QKI: variants seen among roughly 807,000 people sequenced by gnomAD.
QKI encodes QKI, KH domain containing RNA binding, also known as KH domain-containing RNA-binding protein QKI.
QKI carries 10 observed loss-of-function variants against 39.0 expected under a neutral mutation model. That is an observed-to-expected ratio of 0.26 (90% CI 0.16 to 0.43). The LOEUF (loss-of-function observed/expected upper bound fraction) is 0.43, where lower values mean the gene tolerates loss of function less well. Ranked by LOEUF, QKI falls within the 20% of genes least tolerant of loss-of-function variation. The pLI is 1.00. For missense variants in QKI, 218 were observed against 428.0 expected, an observed-to-expected ratio of 0.51 and a Z score of 4.33; for synonymous variants, 204 against 155.4, an observed-to-expected ratio of 1.31 and a Z score of -2.33.
At chr6:163,528,329 T>C (rs1780636432) in intron 3 of QKI, among the ~76,000 whole-genome samples, 1 of 152,092 alleles carries the variant, frequency 6.6e-6, no homozygotes, top group South Asian at 2.1e-4. Flanking sequence ...CTGTGTTCCG[T>C]TTCTGGTTTT....
intron 1 of QKI, chr6:163,428,860 A>G (rs1788613537): frequency 6.6e-6 from 1 of 152,192 alleles, no homozygotes; most frequent in African/African-American, 2.4e-5. Flanking sequence ...TAGAGAACCA[A>G]GGAGGAAGAG....
At chr6:163,498,174 T>TA (rs1261330509) in intron 3 of QKI, among the ~76,000 whole-genome samples, 1 of 123,578 alleles carries the variant, frequency 8.1e-6, no homozygotes, top group Non-Finnish European at 1.6e-5. Context: ...AGTTTGCTCC[T>TA]ACCGCAGCTG....
chr6:163,500,433 G>A (rs546923267), intron 3 of QKI, among the ~76,000 whole-genome samples: 53 of 152,252 alleles, frequency 3.5e-4, no homozygotes, highest in African/African-American at 1.2e-3. Flanking sequence ...TTCAACATTT[G>A]CTAATCTTGG....
intron 3 of QKI, among the ~76,000 whole-genome samples, chr6:163,491,390 C>T (rs756632159): frequency 2.6e-5 from 4 of 152,132 alleles, no homozygotes; most frequent in African/African-American, 4.8e-5. Flanking sequence ...CCAACTGTGA[C>T]GTGGTATGTT....
chr6:163,439,747 G>C (rs1266238138), intron 1 of QKI, among the ~76,000 whole-genome samples: 1 of 150,516 alleles, frequency 6.6e-6, no homozygotes, highest in Non-Finnish European at 1.5e-5. Context: ...TCTCCAGGGT[G>C]TGAGCAATTC....
intron 1 of QKI, among the ~76,000 whole-genome samples, chr6:163,425,580 T>C (rs1255493781): frequency 6.6e-6 from 1 of 152,322 alleles, no homozygotes; most frequent in East Asian, 1.9e-4. Flanking sequence ...TTTAGGAAAA[T>C]TTTTTGAGTA....
chr6:163,524,366 A>C (rs1267173138), intron 3 of QKI, among the ~76,000 whole-genome samples: 3 of 152,306 alleles, frequency 2.0e-5, no homozygotes, highest in Middle Eastern at 3.4e-3. Context: ...TTTTATTCTG[A>C]AAATACATTT....
chr6:163,536,855 C>G (rs767908157), intron 4 of QKI, among the ~76,000 whole-genome samples: 4 of 152,178 alleles, frequency 2.6e-5, no homozygotes, highest in Non-Finnish European at 4.4e-5. Context: ...TGAGAACTCA[C>G]TTCCTGGTTT....
chr6:163,449,658 A>AT (rs1197005700), intron 1 of QKI, among the ~76,000 whole-genome samples: 2 of 152,094 alleles, frequency 1.3e-5, no homozygotes, highest in Non-Finnish European at 2.9e-5. Context: ...GTTGCTTATG[A>AT]TTGAGTTAGT....
chr6:163,567,600 G>A lies in QKI; in HGVS notation c.1009+805G>A, dbSNP rs979382135. 9 of 983,402 alleles carry A rather than the reference G, an allele frequency of 9.2e-6. No individual in the cohort carries two copies. The African/African-American group carries it at 1.0e-4, about 11-fold the overall frequency. The allele number at this position is 983,402 out of a possible 1,614,324, so 60.9% of individuals were successfully genotyped here. On this transcript the variant is annotated intron_variant, in intron 7 of 7. Transcript: ENST00000361752. Reference sequence around the variant, plus strand: ...TTACAACTTTTATAATTTGTGTCCTGTATATGCCCTTGGACCCTTTTATAA... The same window carrying A: ...TTACAACTTTTATAATTTGTGTCCTATATATGCCCTTGGACCCTTTTATAA...
intron 2 of QKI, among the ~76,000 whole-genome samples, chr6:163,458,021 G>A (rs973913461): frequency 6.6e-6 from 1 of 152,120 alleles, no homozygotes; most frequent in African/African-American, 2.4e-5. Flanking sequence ...AACATTCTAG[G>A]CAGAGTGAAC....
chr6:163,457,351 T>C (rs1465310027), intron 2 of QKI: 5 of 456,042 alleles, frequency 1.1e-5, no homozygotes, highest in Non-Finnish European at 2.2e-5. Context: ...AGGGCACCTG[T>C]TCACTATATT....
At chr6:163,436,413 G>T (rs73015322) in intron 1 of QKI, among the ~76,000 whole-genome samples, 10,230 of 152,168 alleles carry the variant, frequency 0.067, 586 homozygotes, top group Admixed American at 0.18. Context: ...TAAGTTTAAA[G>T]CAAGTATGAG....
chr6:163,451,020 C>T (rs1330976378), intron 1 of QKI, among the ~76,000 whole-genome samples: 2 of 152,094 alleles, frequency 1.3e-5, no homozygotes, highest in Non-Finnish European at 2.9e-5. Context: ...GGATTCTTGA[C>T]TCGGAGACTA....
chr6:163,449,671 A>G (rs1488306804), intron 1 of QKI, among the ~76,000 whole-genome samples: 1 of 152,108 alleles, frequency 6.6e-6, no homozygotes, highest in African/African-American at 2.4e-5. Flanking sequence ...GAGTTAGTAA[A>G]TAGTTTTTGT....
Position 163,566,013 on chromosome 6 carries a change from A to G in QKI, c.935-708A>G, listed in dbSNP as rs748770617. 5.0e-6 allele frequency: 8 copies of G among 1,605,748 alleles called. No individual in the cohort carries two copies. The South Asian group carries it at 8.9e-5, about 18-fold the overall frequency. On this transcript the variant is annotated intron_variant, in intron 6 of 7. Coordinates refer to ENST00000361752, the MANE Select transcript of QKI (RefSeq NM_006775.3). The stretch of plus-strand genomic sequence containing the variant: ...TTAACTGAACCCTCATCAGATCTGA[A>G]TTTAACAAATGCTTAGTCTCAGCAG...
At chr6:163,415,433 GC>G (rs1787365579) in intron 1 of QKI, 98 bp downstream of exon 1, 1 of 1,213,764 alleles carries the variant, frequency 8.2e-7, no homozygotes, top group Non-Finnish European at 1.1e-6. Flanking sequence ...TCACGGCCGG[GC>G]GGGACCGAGC....
intron 3 of QKI, among the ~76,000 whole-genome samples, chr6:163,518,685 CTG>C (rs953854861): frequency 3.3e-5 from 5 of 152,190 alleles, no homozygotes; most frequent in African/African-American, 7.2e-5. Flanking sequence ...GTGTTACTAA[CTG>C]TTGTCATTAA....
At chr6:163,486,010 G>A (rs959328057) in intron 3 of QKI, among the ~76,000 whole-genome samples, 2 of 152,216 alleles carry the variant, frequency 1.3e-5, no homozygotes, top group African/African-American at 4.8e-5. Flanking sequence ...AAGCCTTCCT[G>A]GGCCGCATGC....
Sources: allele counts gnomAD v4.1 joint callset (sites outside exome capture counted in the v4.1 genomes callset), GRCh38; gene constraint gnomAD v4.1.1; transcripts MANE v1.5; gene names NCBI Gene and HGNC (gene_info 2026-07-23, HGNC 2026-07-21).